Variants in PHLDB1 observed in about 807,000 individuals in gnomAD.
PHLDB1 encodes the protein pleckstrin homology like domain family B member 1, also known as pleckstrin homology-like domain family B member 1.
In PHLDB1, 65 loss-of-function variants were observed where a neutral mutation model predicts 139.3. The observed-to-expected ratio is 0.47, with a 90% CI of 0.38 to 0.57. PHLDB1 has a LOEUF of 0.57. Among genes scored for constraint, PHLDB1 ranks in the 20% least tolerant of loss-of-function variants. PHLDB1 has a pLI of 0.00. For missense variants in PHLDB1, 1,624 were observed against 1,839.7 expected (o/e 0.88, Z 2.14); for synonymous variants, 679 against 734.5 (o/e 0.92, Z 1.22).
Position 118,631,904 on chromosome 11 carries a change from C to T in PHLDB1, c.2101-9C>T. 6.2e-7 allele frequency: 1 copy of T among 1,601,732 alleles called. No homozygotes were observed. The highest frequency in any genetic ancestry group is 8.5e-7 in the Non-Finnish European group (1 of 1,175,054). Reference sequence around the variant, plus strand: ...GGCTTCCTCAGTTGATAGCTTCCCTCCCCTCCAGCACGAAGATGCACCTAG... The same window carrying T: ...GGCTTCCTCAGTTGATAGCTTCCCTTCCCTCCAGCACGAAGATGCACCTAG... On this transcript the variant is annotated splice_polypyrimidine_tract_variant and intron_variant, in intron 7 of 22. Coordinates refer to ENST00000600882, the MANE Select transcript of PHLDB1 (RefSeq NM_001144758.3).
At chr11:118,638,597 T>C (rs1175566682) in intron 10 of PHLDB1, among the ~76,000 whole-genome samples, 1 of 151,962 alleles carries the variant, frequency 6.6e-6, no homozygotes, top group Non-Finnish European at 1.5e-5. Flanking sequence ...ATGAGGCAGA[T>C]GGAGTGTCTC....
chr11:118,643,885 C>T lies in PHLDB1; in HGVS notation c.2963C>T (p.Ser988Phe), dbSNP rs563191533. ...CCCCTCCCCTCCTCCTCTGGCTCTT[C>T]CTCCTCCTCCTCCCAGCTCAGCGTG... ...SGPLPSSSGS[S>F]SSSSQLSVAT... The change falls in exon 14 of 23, where the codon TCC becomes TTC. Residue 988 changes from serine (S) to phenylalanine (F), a missense_variant. By Grantham distance (155) the Ser-to-Phe change is radical (BLOSUM62 -2). Coordinates refer to ENST00000600882, the MANE Select transcript of PHLDB1 (RefSeq NM_001144758.3). 9.4e-6 allele frequency: 15 copies of T among 1,587,424 alleles called. No homozygotes were observed. The highest frequency in any genetic ancestry group is 1.3e-5 in the Non-Finnish European group (15 of 1,161,662).
rs2136462059 is a variant in PHLDB1, at chr11:118,639,005, G to A, written c.2646+4G>A. 1 of 1,610,452 alleles carries A rather than the reference G, an allele frequency of 6.2e-7. No homozygotes were observed. Among genetic ancestry groups the A allele is most frequent in the Non-Finnish European group, 8.5e-7 (1 of 1,177,122 alleles). On this transcript the variant is annotated splice_donor_region_variant and intron_variant, in intron 11 of 22. Coordinates refer to ENST00000600882, the MANE Select transcript of PHLDB1 (RefSeq NM_001144758.3). ...CTCCTTACAGCTGCTGCAAAAGGTA[G>A]GGTCCCTGAGGTTGGGCCGGGAGAT...
chr11:118,618,123 C>A (rs1001566146), intron 4 of PHLDB1, among the ~76,000 whole-genome samples: 4 of 152,114 alleles, frequency 2.6e-5, no homozygotes, highest in Non-Finnish European at 5.9e-5. Flanking sequence ...TGACCCTTCC[C>A]GACTCTTCTC....
In PHLDB1 at chr11:118,639,170, G is replaced by A. The variant is rs1946122876; in HGVS notation, c.2655G>A (p.Glu885=). The change falls in exon 12 of 23, where the codon GAG becomes GAA. Residue 885 remains glutamate (E), a synonymous_variant. Transcript: ENST00000600882. ...CCATTCTGGGCTCGCAGGAGAAGGA[G>A]AAGCTGACTGTGCTGGAAAGGAGAT... The part of the protein sequence containing the change: ...ASLQLLQKEK[E]KLTVLERRYH... 2 of 1,613,996 alleles carry A rather than the reference G, an allele frequency of 1.2e-6. No individual in the cohort carries two copies. Among genetic ancestry groups the A allele is most frequent in the African/African-American group, 1.3e-5 (1 of 74,922 alleles).
intron 21 of PHLDB1, 51 bp from the exon 22 acceptor site, chr11:118,655,809 C>T: frequency 6.4e-7 from 1 of 1,568,784 alleles, no homozygotes; most frequent in Non-Finnish European, 8.8e-7. Context: ...CCAACCCAGT[C>T]CTTGTTCTCT....
chr11:118,649,292 A>G (rs1555133485), intron 18 of PHLDB1, among the ~76,000 whole-genome samples: 1 of 151,954 alleles, frequency 6.6e-6, no homozygotes, highest in African/African-American at 2.4e-5. Flanking sequence ...GGAAAAAAAA[A>G]AAAGAAAAAA....
chr11:118,635,631 C>T (rs1224527653), intron 10 of PHLDB1, 83 bp downstream of exon 10: 4 of 1,250,612 alleles, frequency 3.2e-6, no homozygotes, highest in Non-Finnish European at 4.3e-6. Context: ...CAAAAGTTAA[C>T]TTCGTCTTTT....
rs147211656 is a variant in PHLDB1 at position 118,619,927 on chromosome 11, A to G, written c.355+3716A>G. ...CTATGCCTGGGTGAGTGTGTAACTAAAAGGAGTTGTCTGGGGGATGTGTGC... is the reference window on the plus strand; with the variant it reads ...CTATGCCTGGGTGAGTGTGTAACTAGAAGGAGTTGTCTGGGGGATGTGTGC... On this transcript the variant is annotated intron_variant, in intron 4 of 22. Coordinates refer to ENST00000600882, the MANE Select transcript of PHLDB1 (RefSeq NM_001144758.3). Among the ~76,000 whole-genome samples, 407 of 152,274 alleles carry G rather than the reference A, an allele frequency of 2.7e-3. 3 individuals are homozygous for G. Among genetic ancestry groups the G allele is most frequent in the African/African-American group, 8.0e-3 (334 of 41,552 alleles).
intron 20 of PHLDB1, 70 bp from the exon 21 acceptor site, chr11:118,655,535 G>A: frequency 1.1e-6 from 1 of 937,426 alleles, no homozygotes; most frequent in South Asian, 1.4e-5. Flanking sequence ...TCAGGCCATG[G>A]AGCTCCACGT....
At chr11:118,653,396 T>A (rs1179606169) in intron 20 of PHLDB1, 2 of 152,104 alleles carry the variant, frequency 1.3e-5, no homozygotes, top group African/African-American at 4.8e-5. Flanking sequence ...TAGGAGTGAT[T>A]CCCACCCTCC....
Position 118,639,271 on chromosome 11 carries a change from C to T in PHLDB1, c.2736+20C>T, listed in dbSNP as rs1946138769. On this transcript the variant is annotated intron_variant, in intron 12 of 22. Transcript: ENST00000600882. The stretch of plus-strand genomic sequence containing the variant: ...AAAGAGGTATCATGATTGGATTAGC[C>T]CCAGCTTCAGGCCCAAGGCGTGTCC... 1.9e-6 allele frequency: 3 copies of T among 1,591,704 alleles called. No homozygotes were observed. The African/African-American group carries it at 4.0e-5, about 21-fold the overall frequency.
intron 4 of PHLDB1, among the ~76,000 whole-genome samples, chr11:118,617,110 G>T (rs1941804258): frequency 6.6e-6 from 1 of 152,134 alleles, no homozygotes; most frequent in Non-Finnish European, 1.5e-5. Flanking sequence ...TGGTTAGCAG[G>T]CAGGTAAGCG....
intron 9 of PHLDB1, chr11:118,635,039 G>C (rs1471152726): frequency 2.0e-6 from 1 of 496,694 alleles, no homozygotes; most frequent in East Asian, 5.3e-5. Flanking sequence ...AGTTACAGGA[G>C]CAGCTGAGAA....
chr11:118,642,042 G>A lies in PHLDB1; in HGVS notation c.2737-212G>A, dbSNP rs1317192023. On this transcript the variant is annotated intron_variant, in intron 12 of 22. Coordinates refer to ENST00000600882, the MANE Select transcript of PHLDB1 (RefSeq NM_001144758.3). ...TCACTGTTTTTCTCTTCTTTTTCTT[G>A]ATGCTCTCCTTTCTCCCTTCCTTCC... The A allele has an allele frequency of 4.0e-5, 26 of 645,918 alleles. No homozygotes were observed. In the African/African-American group the frequency reaches 4.6e-4, roughly 11 times the overall value. 40.0% of individuals were successfully genotyped at this position (645,918 alleles called of 1,614,324 possible). A position where few individuals can be genotyped will look rare whatever the true frequency, so the allele number is the denominator to read the frequency against.
Position 118,650,318 on chromosome 11 carries a change from G to T in PHLDB1, c.3771+125G>T. 7 of 990,328 alleles carry T rather than the reference G, an allele frequency of 7.1e-6. No homozygotes were observed. Among genetic ancestry groups the T allele is most frequent in the Non-Finnish European group, 1.6e-6 (1 of 615,054 alleles). The allele number at this position is 990,328 out of a possible 1,614,324, so 61.3% of individuals were successfully genotyped here. On this transcript the variant is annotated intron_variant, in intron 19 of 22. Transcript: ENST00000600882. The surrounding 1 kb of genome is among the most constrained non-coding windows in gnomAD (Gnocchi z 4.7). ...TCACCTAACCAGATCTCTGTCCCAG[G>T]ACCTGGTGTGCTGGCCTGAGGAGAT...
At chr11:118,646,032 A>G (rs1947446574) in intron 17 of PHLDB1, among the ~76,000 whole-genome samples, 1 of 152,168 alleles carries the variant, frequency 6.6e-6, no homozygotes, top group African/African-American at 2.4e-5. Context: ...TGGCCGAGGC[A>G]GGCGGATCAC....
chr11:118,642,416 G>T, intron 13 of PHLDB1, 22 bp downstream of exon 13: 5 of 1,601,176 alleles, frequency 3.1e-6, no homozygotes, highest in Non-Finnish European at 4.2e-6. Context: ...TTCACTGCCC[G>T]TCCTCCCCAG....
In PHLDB1 at chr11:118,632,097, G is replaced by A; in HGVS notation, c.2241+44G>A. 6.2e-7 allele frequency: 1 copy of A among 1,613,610 alleles called. No individual in the cohort carries two copies. Among genetic ancestry groups the A allele is most frequent in the Non-Finnish European group, 8.5e-7 (1 of 1,179,636 alleles). On this transcript the variant is annotated intron_variant, in intron 8 of 22. Transcript: ENST00000600882. This position sits in a 1 kb window ranked among gnomAD's most constrained non-coding sequence, Gnocchi z 5.9. ...AGCTGGACTCTTCCCTAGGCCAACT[G>A]AAGGCCCCAGAGAGGGGCCACAGTC...
Sources: allele counts gnomAD v4.1 joint callset (sites outside exome capture counted in the v4.1 genomes callset), GRCh38; gene constraint gnomAD v4.1.1; non-coding constraint Gnocchi (gnomAD v3.1); transcripts MANE v1.5; gene names NCBI Gene and HGNC (gene_info 2026-07-23, HGNC 2026-07-21).